Variants in PCDH9 observed in about 807,000 individuals in gnomAD.
PCDH9 encodes the protein protocadherin 9.
In PCDH9, 24 loss-of-function variants were observed where a neutral mutation model predicts 70.6. The observed-to-expected ratio is 0.34, with a 90% CI of 0.25 to 0.48. The LOEUF (loss-of-function observed/expected upper bound fraction) is 0.48. PCDH9 is among the 20% of genes least tolerant of loss of function. The pLI, the probability that PCDH9 is intolerant of heterozygous loss-of-function variation, is 0.99. For missense variants in PCDH9, 1,281 were observed against 1,503.6 expected (o/e 0.85, Z 2.45); for synonymous variants, 562 against 558.5 (o/e 1.01, Z -0.09).
chr13:66,359,939 TGG>T (rs1956441585), intron 4 of PCDH9, among the ~76,000 whole-genome samples: 1 of 152,130 alleles, frequency 6.6e-6, no homozygotes, highest in Non-Finnish European at 1.5e-5. Context: ...GTTAGGGTGA[TGG>T]TAGCTATTTA....
At chr13:66,747,981 C>T (rs183124080) in intron 3 of PCDH9, among the ~76,000 whole-genome samples, 23 of 152,110 alleles carry the variant, frequency 1.5e-4, no homozygotes, top group African/African-American at 5.3e-4. Flanking sequence ...GTGGTATAGC[C>T]AATTAAAACA....
chr13:66,877,047 T>TG (rs1174104595), intron 3 of PCDH9: 1 of 117,188 alleles, frequency 8.5e-6, no homozygotes, highest in African/African-American at 3.7e-5. Context: ...TTTACCAAAT[T>TG]GAAAAAAAAT....
At chr13:66,923,832 T>A (rs1265146037) in intron 2 of PCDH9, among the ~76,000 whole-genome samples, 1 of 151,762 alleles carries the variant, frequency 6.6e-6, no homozygotes, top group Admixed American at 6.6e-5. Context: ...AATTTATTAA[T>A]GCATCTCCAC....
chr13:67,044,362 T>G (rs1468502934), intron 2 of PCDH9, among the ~76,000 whole-genome samples: 1 of 152,088 alleles, frequency 6.6e-6, no homozygotes, highest in Non-Finnish European at 1.5e-5. Flanking sequence ...AGACAAAAAT[T>G]CACATCACAT....
intron 3 of PCDH9, among the ~76,000 whole-genome samples, chr13:66,684,434 C>G (rs1402773596): frequency 5.9e-5 from 9 of 152,160 alleles, no homozygotes. Context: ...CCATAATCCC[C>G]ATGTGTTGTA....
At chr13:66,458,294 T>C (rs190059921) in intron 4 of PCDH9, among the ~76,000 whole-genome samples, 2 of 152,154 alleles carry the variant, frequency 1.3e-5, no homozygotes, top group East Asian at 3.9e-4. Context: ...TAAATATAAT[T>C]ACATCTAAAT....
At chr13:66,916,310 C>G (rs900004004) in intron 2 of PCDH9, among the ~76,000 whole-genome samples, 1 of 151,468 alleles carries the variant, frequency 6.6e-6, no homozygotes, top group Non-Finnish European at 1.5e-5. Flanking sequence ...ATAACAAATA[C>G]CTAAAATAGA....
chr13:66,420,408 C>T (rs988190771), intron 4 of PCDH9, among the ~76,000 whole-genome samples: 1 of 152,218 alleles, frequency 6.6e-6, no homozygotes, highest in South Asian at 2.1e-4. Flanking sequence ...TCAACAGACA[C>T]CTCATACAGG....
rs1342174720 is a variant in PCDH9 at position 66,894,984 on chromosome 13, T to C, written c.3138+8520A>G. Among the ~76,000 whole-genome samples, 3 of 152,132 alleles carry C rather than the reference T, an allele frequency of 2.0e-5. No individual in the cohort carries two copies. The East Asian group carries it at 5.8e-4, about 30-fold the overall frequency. ...CACCATGCCTGATGAATTTTTCTAT[T>C]TTTAGTAGAGACAGGGTTTCACCAT... On this transcript the variant is annotated intron_variant, in intron 3 of 4. Coordinates refer to ENST00000377865, the MANE Select transcript of PCDH9 (RefSeq NM_203487.3).
chr13:66,419,615 T>C (rs1315920806), intron 4 of PCDH9, among the ~76,000 whole-genome samples: 2 of 152,070 alleles, frequency 1.3e-5, no homozygotes, highest in East Asian at 3.9e-4. Flanking sequence ...GAACGGTGCA[T>C]TCCAGCCAAG....
chr13:66,789,093 C>A (rs2080124279), intron 3 of PCDH9, among the ~76,000 whole-genome samples: 1 of 152,198 alleles, frequency 6.6e-6, no homozygotes, highest in East Asian at 1.9e-4. Flanking sequence ...ACTTCTCCCA[C>A]TTACAAGTGC....
intron 2 of PCDH9, among the ~76,000 whole-genome samples, chr13:66,976,922 A>G (rs965712313): frequency 6.6e-6 from 1 of 152,138 alleles, no homozygotes; most frequent in Non-Finnish European, 1.5e-5. Context: ...TCATAAAATC[A>G]GGCTTCTGAA....
At chr13:66,592,311 T>C (rs1376078067) in intron 4 of PCDH9, among the ~76,000 whole-genome samples, 2 of 151,662 alleles carry the variant, frequency 1.3e-5, no homozygotes, top group Non-Finnish European at 3.0e-5. Context: ...CAGAGATCAG[T>C]ATCAAGCTTC....
At chr13:66,736,961 T>C (rs1186027619) in intron 3 of PCDH9, among the ~76,000 whole-genome samples, 2 of 152,168 alleles carry the variant, frequency 1.3e-5, no homozygotes, top group African/African-American at 4.8e-5. Flanking sequence ...GTCTTACTTA[T>C]AAAGCCATAT....
chr13:66,951,053 T>A (rs564579672), intron 2 of PCDH9, among the ~76,000 whole-genome samples: 2 of 152,320 alleles, frequency 1.3e-5, no homozygotes, highest in South Asian at 4.1e-4. Flanking sequence ...TCCTTGCTTA[T>A]CTGGAAAGCT....
At chr13:66,588,662 A>G (rs867129199) in intron 4 of PCDH9, among the ~76,000 whole-genome samples, 1 of 151,828 alleles carries the variant, frequency 6.6e-6, no homozygotes, top group Non-Finnish European at 1.5e-5. Flanking sequence ...TTCTATGTTC[A>G]CTGGAGAAAG....
chr13:66,744,512 A>G (rs2079327094), intron 3 of PCDH9, among the ~76,000 whole-genome samples: 2 of 152,330 alleles, frequency 1.3e-5, no homozygotes, highest in South Asian at 4.1e-4. Flanking sequence ...GCCTTCCAGC[A>G]TCTACCACAC....
At chr13:66,500,890 C>T (rs1375126075) in intron 4 of PCDH9, among the ~76,000 whole-genome samples, 2 of 151,894 alleles carry the variant, frequency 1.3e-5, no homozygotes, top group Non-Finnish European at 2.9e-5. Context: ...AATTACTTGC[C>T]CTTTTTCCCT....
At chr13:67,198,908 A>G (rs1160889715) in intron 2 of PCDH9, among the ~76,000 whole-genome samples, 1 of 151,864 alleles carries the variant, frequency 6.6e-6, no homozygotes, top group African/African-American at 2.4e-5. Context: ...AACTTAAAGT[A>G]TAATTTTTTA....
Sources: gnomAD v4.1 joint callset for allele counts (sites outside exome capture counted in the v4.1 genomes callset) on GRCh38, gnomAD v4.1.1 for gene constraint, MANE v1.5 for transcripts, NCBI Gene and HGNC (gene_info 2026-07-23, HGNC 2026-07-21) for gene names.